DICER1: variants seen among roughly 807,000 people sequenced by gnomAD.
The protein encoded by DICER1 is endoribonuclease Dicer.
A neutral mutation model predicts 194.1 loss-of-function variants in DICER1; 43 were observed. The observed-to-expected ratio is 0.22, with a 90% CI of 0.17 to 0.29. DICER1 has a LOEUF of 0.29. Among genes scored for constraint, DICER1 ranks in the 10% least tolerant of loss-of-function variants. The pLI is 1.00. For synonymous variants in DICER1, 832 were observed against 820.5 expected (o/e 1.01, Z -0.24); for missense variants, 1,608 against 2,317.0 (o/e 0.69, Z 6.28).
chr14:95,120,412 A>G (rs1892842464), intron 8 of DICER1, among the ~76,000 whole-genome samples: 1 of 152,224 alleles, frequency 6.6e-6, no homozygotes, highest in Admixed American at 6.5e-5. Flanking sequence ...AGAGGGAGGT[A>G]TTATTTCCAT....
chr14:95,100,318 T>C (rs554827193), intron 21 of DICER1, among the ~76,000 whole-genome samples: 42 of 152,182 alleles, frequency 2.8e-4, no homozygotes, highest in Non-Finnish European at 4.3e-4. Context: ...AAAGAACCCA[T>C]AGAAAAAGTC....
At chr14:95,154,640 G>A (rs1387827561) in intron 1 of DICER1, among the ~76,000 whole-genome samples, 1 of 152,140 alleles carries the variant, frequency 6.6e-6, no homozygotes, top group Non-Finnish European at 1.5e-5. Flanking sequence ...TACTTATTTT[G>A]AGGTTTCTCC....
intron 1 of DICER1, among the ~76,000 whole-genome samples, chr14:95,145,226 C>A (rs1374143548): frequency 2.6e-5 from 4 of 152,184 alleles, no homozygotes; most frequent in African/African-American, 9.7e-5. Context: ...ATTCACAGAT[C>A]CCAGCAATAG....
At position 95,105,082 on chromosome 14, in the gene DICER1, AG is replaced by A; in HGVS notation, c.3257del (p.Pro1086LeufsTer9). 1 of 1,614,140 alleles carries A rather than the reference AG, an allele frequency of 6.2e-7. No homozygotes were observed. The highest frequency in any genetic ancestry group is 8.5e-7 in the Non-Finnish European group (1 of 1,180,014). The stretch of plus-strand genomic sequence containing the variant: ...CTGCACAGGCATACCTAAAATCCGC[AG>A]GAAGTGATCTGACTCCCACGCCAGC... ...SDAGVGVRSL[P>X]ADFRYPNLDF... On this transcript the variant is annotated frameshift_variant, in exon 20 of 27. Coordinates refer to ENST00000343455, the MANE Select transcript of DICER1 (RefSeq NM_177438.3). LOFTEE classifies it high-confidence loss of function. This position sits in a 1 kb window ranked among gnomAD's most constrained non-coding sequence, Gnocchi z 4.9.
chr14:95,153,397 G>C (rs541262953), intron 1 of DICER1, among the ~76,000 whole-genome samples: 10 of 152,282 alleles, frequency 6.6e-5, no homozygotes, highest in African/African-American at 2.4e-4. Context: ...CTGGAACAGT[G>C]AACACCTGTA....
intron 21 of DICER1, among the ~76,000 whole-genome samples, chr14:95,101,961 T>C (rs1890917481): frequency 6.6e-6 from 1 of 152,226 alleles, no homozygotes; most frequent in Non-Finnish European, 1.5e-5. Context: ...ACCCAAGCTC[T>C]GCCACTTACT....
rs1159678311 is a variant in DICER1, at chr14:95,126,727, C to CTCA, written c.753_755dup (p.Cys251_Glu252insAsp). The stretch of plus-strand genomic sequence containing the variant: ...TAAATGGTCCACAATCCACCACAAT[C>CTCA]TCACATGGCTGAGAAGTATACCTTT... On this transcript the variant is annotated inframe_insertion, in exon 7 of 27. Coordinates refer to ENST00000343455, the MANE Select transcript of DICER1 (RefSeq NM_177438.3). 1 of 1,609,914 alleles carries CTCA rather than the reference C, an allele frequency of 6.2e-7. No individual in the cohort carries two copies. The highest frequency in any genetic ancestry group is 8.5e-7 in the Non-Finnish European group (1 of 1,177,076).
intron 14 of DICER1, among the ~76,000 whole-genome samples, chr14:95,110,294 T>C (rs180693192): frequency 1.3e-5 from 2 of 152,184 alleles, no homozygotes; most frequent in East Asian, 3.9e-4. Context: ...GGTGCCAGAG[T>C]CTATCCTGGC....
chr14:95,144,193 C>T (rs1483412663), intron 1 of DICER1, among the ~76,000 whole-genome samples: 2 of 152,052 alleles, frequency 1.3e-5, no homozygotes, highest in Non-Finnish European at 2.9e-5. Flanking sequence ...ACGTATTTGC[C>T]TCAAAACACT....
rs562461280 is a variant in DICER1, at chr14:95,137,580, AG to A, written c.-45-4078del. On this transcript the variant is annotated intron_variant, in intron 1 of 26. Coordinates refer to ENST00000343455, the MANE Select transcript of DICER1 (RefSeq NM_177438.3). ...ATGGAGAAGGGGAAGGGAAAGGGGA[AG>A]GGGAAAGGAAAAAAGTCAGGGATCA... 7.1e-3 allele frequency among the ~76,000 whole-genome samples: 1,080 copies of A among 151,976 alleles called. 12 individuals carry two copies. Among genetic ancestry groups the A allele is most frequent in the African/African-American group, 0.025 (1,026 of 41,432 alleles).
intron 21 of DICER1, among the ~76,000 whole-genome samples, chr14:95,102,262 CTGT>C (rs996436026): frequency 6.6e-6 from 1 of 152,182 alleles, no homozygotes; most frequent in African/African-American, 2.4e-5. Context: ...TCTGCTTCTG[CTGT>C]TGGTTTGGAT....
intron 8 of DICER1, 35 bp from the exon 9 acceptor site, chr14:95,117,789 T>C: frequency 6.2e-7 from 1 of 1,606,664 alleles, no homozygotes; most frequent in Non-Finnish European, 8.5e-7. Context: ...AGTTAAACGT[T>C]GCTGAAAGAA....
chr14:95,121,555 A>G (rs995059829), intron 8 of DICER1, among the ~76,000 whole-genome samples: 5 of 152,172 alleles, frequency 3.3e-5, no homozygotes, highest in African/African-American at 9.7e-5. Context: ...TAGGAAAAAA[A>G]GGGGGAGGGG....
intron 1 of DICER1, among the ~76,000 whole-genome samples, chr14:95,155,936 TTAAAG>T (rs1461021335): frequency 2.6e-5 from 4 of 152,216 alleles, no homozygotes; most frequent in African/African-American, 9.6e-5. Context: ...ACAGGTAGCT[TTAAAG>T]TAGACTTTGC....
chr14:95,118,159 C>G (rs1029988134), intron 8 of DICER1, among the ~76,000 whole-genome samples: 1 of 152,190 alleles, frequency 6.6e-6, no homozygotes, highest in East Asian at 1.9e-4. Flanking sequence ...ACCAGTTCTA[C>G]TAGCTCATCT....
chr14:95,129,721 C>T (rs1481218848), intron 5 of DICER1, 89 bp from the exon 6 acceptor site: 3 of 1,250,042 alleles, frequency 2.4e-6, no homozygotes, highest in East Asian at 4.9e-5. Context: ...ATATCAAAAT[C>T]ACTAACAAAT....
At chr14:95,131,088 G>A (rs1893910347) in intron 4 of DICER1, among the ~76,000 whole-genome samples, 1 of 152,032 alleles carries the variant, frequency 6.6e-6, no homozygotes, top group Non-Finnish European at 1.5e-5. Context: ...GGAGTGCAGT[G>A]GCGCGATCTC....
intron 23 of DICER1, among the ~76,000 whole-genome samples, chr14:95,094,946 C>CG (rs1330292929): frequency 6.6e-6 from 1 of 152,176 alleles, no homozygotes; most frequent in Non-Finnish European, 1.5e-5. Context: ...ACCCAGGTCT[C>CG]GGAACTTCCA....
At chr14:95,100,780 A>C (rs1890806191) in intron 21 of DICER1, among the ~76,000 whole-genome samples, 1 of 152,168 alleles carries the variant, frequency 6.6e-6, no homozygotes, top group Non-Finnish European at 1.5e-5. Context: ...CTATTGTTTA[A>C]TAGACACCCC....
Sources: allele counts gnomAD v4.1 joint callset (sites outside exome capture counted in the v4.1 genomes callset), GRCh38; gene constraint gnomAD v4.1.1; non-coding constraint Gnocchi (gnomAD v3.1); transcripts MANE v1.5; gene names NCBI Gene and HGNC (gene_info 2026-07-23, HGNC 2026-07-21).